APPL2: variants seen among roughly 807,000 people sequenced by gnomAD.
APPL2 encodes adaptor protein, phosphotyrosine interacting with PH domain and leucine zipper 2.
A neutral mutation model predicts 92.7 loss-of-function variants in APPL2; 84 were observed. That is an observed-to-expected ratio of 0.91 (90% CI 0.76 to 1.09). APPL2 has a LOEUF of 1.09. Ranked by LOEUF, APPL2 falls within the 50% of genes least tolerant of loss-of-function variation. APPL2 has a pLI of 0.00. For synonymous variants in APPL2, 291 were observed against 291.0 expected (o/e 1.00, Z 0.00); for missense variants, 736 against 824.5 (o/e 0.89, Z 1.31).
chr12:105,188,490 G>C, intron 16 of APPL2, 43 bp from the exon 17 acceptor site: 1 of 1,602,504 alleles, frequency 6.2e-7, no homozygotes, highest in Non-Finnish European at 8.5e-7. Context: ...TTTACTTCCT[G>C]CTGCTGTTGA....
rs1891202616 is a variant in APPL2, at chr12:105,235,970, C to T, written c.43G>A (p.Asp15Asn). The change falls in exon 1 of 21, where the codon GAC becomes AAC. Residue 15 changes from aspartate (D) to asparagine (N), a missense_variant. By Grantham distance (23) the Asp-to-Asn change is conservative (BLOSUM62 1). Coordinates refer to ENST00000258530, the MANE Select transcript of APPL2 (RefSeq NM_018171.5). ...DKLLLEEALQDSPQTRSLLSV... is the reference protein window; with the variant it reads ...DKLLLEEALQNSPQTRSLLSV... Reference sequence around the variant, plus strand: ...GCGGCGGGAGGTACCTGGGGGCTGTCCTGCAACGCCTCCTCTAGCAGGAGC... The same window carrying T: ...GCGGCGGGAGGTACCTGGGGGCTGTTCTGCAACGCCTCCTCTAGCAGGAGC... The T allele has an allele frequency of 4.8e-6, 6 of 1,252,596 alleles. No homozygotes were observed. The highest frequency in any genetic ancestry group is 3.6e-5 in the South Asian group (1 of 27,944). 77.6% of individuals were successfully genotyped at this position (1,252,596 alleles called of 1,614,324 possible). A position where few individuals can be genotyped will look rare whatever the true frequency, so the allele number is the denominator to read the frequency against.
At chr12:105,206,925 G>A (rs920120936) in intron 8 of APPL2, 136 bp downstream of exon 8, 3 of 1,176,924 alleles carry the variant, frequency 2.5e-6, no homozygotes, top group African/African-American at 1.5e-5. Flanking sequence ...TCCAAGTGCT[G>A]AATCCCACAA....
rs114267481 is a variant in APPL2, at chr12:105,189,721, G to A, written c.1459+51C>T. On this transcript the variant is annotated intron_variant, in intron 16 of 20. Coordinates refer to ENST00000258530, the MANE Select transcript of APPL2 (RefSeq NM_018171.5). ...GATTTCACATCTTATTTCAATGGCC[G>A]TTGTCATTTTGTGCAGAGGAAAGAA... 3.4e-4 allele frequency: 525 copies of A among 1,546,140 alleles called. 1 individual carries two copies. In the African/African-American group the frequency reaches 5.9e-3, roughly 17 times the overall value.
chr12:105,185,193 C>T (rs1373365555), intron 17 of APPL2, among the ~76,000 whole-genome samples: 2 of 152,188 alleles, frequency 1.3e-5, no homozygotes, highest in Non-Finnish European at 2.9e-5. Context: ...GTGTGTTGGG[C>T]TCCGTGGTGA....
At chr12:105,196,731 G>A (rs1369210442) in intron 11 of APPL2, among the ~76,000 whole-genome samples, 2 of 152,174 alleles carry the variant, frequency 1.3e-5, no homozygotes, top group African/African-American at 4.8e-5. Flanking sequence ...GTGAGCCACT[G>A]TACCCAGCCG....
intron 1 of APPL2, chr12:105,233,454 G>A (rs2136104691): frequency 1.0e-6 from 1 of 961,164 alleles, no homozygotes; most frequent in African/African-American, 1.8e-5. Flanking sequence ...GAATAGATGT[G>A]TCTAAGGTCA....
At chr12:105,209,172 A>G (rs1161966172) in intron 5 of APPL2, among the ~76,000 whole-genome samples, 2 of 151,996 alleles carry the variant, frequency 1.3e-5, no homozygotes, top group Non-Finnish European at 2.9e-5. Context: ...CTCTTCATTC[A>G]GATTATGTAC....
chr12:105,234,945 C>T (rs1236873525), intron 1 of APPL2, among the ~76,000 whole-genome samples: 2 of 152,130 alleles, frequency 1.3e-5, no homozygotes, highest in Admixed American at 6.5e-5. Context: ...ATGCATACAG[C>T]CCTTCGGACT....
chr12:105,235,949 C>A lies in APPL2; in HGVS notation c.54+10G>T, dbSNP rs1891200881. ...CTGCGGGCGAGGGGCACCGGAGCGG[C>A]GGGAGGTACCTGGGGGCTGTCCTGC... On this transcript the variant is annotated intron_variant, in intron 1 of 20. Transcript: ENST00000258530. 8.0e-7 allele frequency: 1 copy of A among 1,244,226 alleles called. No homozygotes were observed. The highest frequency in any genetic ancestry group is 1.0e-6 in the Non-Finnish European group (1 of 985,544). The allele number at this position is 1,244,226 out of a possible 1,614,324, so 77.1% of individuals were successfully genotyped here. A position where few individuals can be genotyped will look rare whatever the true frequency, so the allele number is the denominator to read the frequency against.
chr12:105,228,444 A>G (rs1021424633), intron 2 of APPL2, among the ~76,000 whole-genome samples: 1 of 152,364 alleles, frequency 6.6e-6, no homozygotes, highest in African/African-American at 2.4e-5. Context: ...ATATCAACAC[A>G]TAAGATTTAA....
At position 105,221,098 on chromosome 12, in the gene APPL2, T is replaced by C. The variant is rs114600215; in HGVS notation, c.154-3373A>G. 4.1e-3 allele frequency among the ~76,000 whole-genome samples: 625 copies of C among 152,366 alleles called. 6 individuals are homozygous for C. Among genetic ancestry groups the C allele is most frequent in the African/African-American group, 0.015 (609 of 41,582 alleles). ...AGATCAACTTTAATCTTACTCATAC[T>C]TAAGCTACTGTACACAAAGGTTGTA... On this transcript the variant is annotated intron_variant, in intron 2 of 20. Transcript: ENST00000258530.
At chr12:105,234,539 A>T (rs1051656907) in intron 1 of APPL2, among the ~76,000 whole-genome samples, 3 of 152,246 alleles carry the variant, frequency 2.0e-5, no homozygotes, top group East Asian at 1.9e-4. Context: ...TGTGAGGACA[A>T]CATCAAGAAT....
intron 19 of APPL2, 51 bp downstream of exon 19, chr12:105,176,825 A>G (rs377356032): frequency 6.8e-5 from 108 of 1,584,544 alleles, no homozygotes; most frequent in Non-Finnish European, 8.8e-5. Flanking sequence ...CTCTTTTAAA[A>G]TGGACTTGTT....
At chr12:105,188,897 T>C (rs1164698940) in intron 16 of APPL2, among the ~76,000 whole-genome samples, 1 of 152,250 alleles carries the variant, frequency 6.6e-6, no homozygotes, top group Non-Finnish European at 1.5e-5. Context: ...TCATGTGTAT[T>C]ACGGAAAGGC....
chr12:105,199,729 A>C (rs949254907), intron 9 of APPL2, among the ~76,000 whole-genome samples, 198 bp from the exon 10 acceptor site: 1 of 152,186 alleles, frequency 6.6e-6, no homozygotes, highest in East Asian at 1.9e-4. Context: ...TGCAGTAGTA[A>C]ATGTGTTTAT....
At chr12:105,229,689 G>T in intron 1 of APPL2, 1 of 986,694 alleles carries the variant, frequency 1.0e-6, no homozygotes, top group Non-Finnish European at 1.2e-6. Flanking sequence ...CAGCAGTCTG[G>T]TTTTTTGTAA....
chr12:105,179,218 T>C lies in APPL2; in HGVS notation c.1635-1956A>G, dbSNP rs58405870. 8.0e-3 allele frequency among the ~76,000 whole-genome samples: 1,215 copies of C among 152,302 alleles called. 21 individuals carry two copies. The highest frequency in any genetic ancestry group is 0.027 in the African/African-American group (1,118 of 41,560). ...GTTCTCATTGTTCAGCTCCCACTTA[T>C]GAGTGAGAACATGCGGTGTTTGGTT... On this transcript the variant is annotated intron_variant, in intron 17 of 20. Transcript: ENST00000258530.
At chr12:105,182,342 A>C (rs1206632670) in intron 17 of APPL2, among the ~76,000 whole-genome samples, 1 of 152,130 alleles carries the variant, frequency 6.6e-6, no homozygotes, top group Non-Finnish European at 1.5e-5. Flanking sequence ...TAGTTCTTTT[A>C]ATTGTGATGT....
chr12:105,229,670 A>G (rs1005321149), intron 1 of APPL2: 14 of 987,292 alleles, frequency 1.4e-5, no homozygotes, highest in Non-Finnish European at 1.6e-5. Context: ...TGATCATCCC[A>G]GCAGGAACCA....
Sources: gnomAD v4.1 joint callset for allele counts (sites outside exome capture counted in the v4.1 genomes callset) on GRCh38, gnomAD v4.1.1 for gene constraint, MANE v1.5 for transcripts, NCBI Gene and HGNC (gene_info 2026-07-23, HGNC 2026-07-21) for gene names.